Variants in SHOC1 observed in about 807,000 individuals in gnomAD.
The protein encoded by SHOC1 is shortage in chiasmata 1.
SHOC1 carries 136 observed loss-of-function variants against 179.2 expected under a neutral mutation model. The ratio of observed to expected loss-of-function variants is 0.76; its 90% CI spans 0.66 to 0.87. The LOEUF (loss-of-function observed/expected upper bound fraction) is 0.87. Ranked by LOEUF, SHOC1 falls within the 40% of genes least tolerant of loss-of-function variation. SHOC1 has a pLI of 0.00. For synonymous variants in SHOC1, 489 were observed against 586.6 expected, an observed-to-expected ratio of 0.83 and a Z score of 2.41; for missense variants, 1,538 against 1,700.8, an observed-to-expected ratio of 0.90 and a Z score of 1.68.
chr9:111,687,050 G>C (rs1481099946), intron 27 of SHOC1, among the ~76,000 whole-genome samples, 180 bp from the exon 28 acceptor site: 1 of 151,244 alleles, frequency 6.6e-6, no homozygotes, highest in African/African-American at 2.4e-5. Context: ...GGGTTCAAGC[G>C]ATTCTCCTGC....
At chr9:111,754,427 T>A (rs1834760090) in intron 8 of SHOC1, among the ~76,000 whole-genome samples, 1 of 152,124 alleles carries the variant, frequency 6.6e-6, no homozygotes, top group Non-Finnish European at 1.5e-5. Context: ...ACTTCACACC[T>A]AGTAGGATGG....
intron 4 of SHOC1, among the ~76,000 whole-genome samples, chr9:111,778,157 T>C (rs144989805): frequency 1.6e-4 from 25 of 152,336 alleles, no homozygotes; most frequent in Admixed American, 3.3e-4. Flanking sequence ...TCCACCTCCC[T>C]GTCCAATATA....
At chr9:111,782,326 CT>C (rs1268190332) in intron 3 of SHOC1, among the ~76,000 whole-genome samples, 7 of 152,194 alleles carry the variant, frequency 4.6e-5, no homozygotes, top group Non-Finnish European at 8.8e-5. Flanking sequence ...GGGTAAACAT[CT>C]CAACCTTTTT....
At chr9:111,715,166 A>G (rs2131386699) in intron 16 of SHOC1, among the ~76,000 whole-genome samples, 1 of 152,314 alleles carries the variant, frequency 6.6e-6, no homozygotes, top group East Asian at 1.9e-4. Flanking sequence ...TTGAAGGTTC[A>G]TATTCAGTAC....
chr9:111,789,062 A>C (rs1197318081), intron 2 of SHOC1, among the ~76,000 whole-genome samples: 1 of 152,210 alleles, frequency 6.6e-6, no homozygotes, highest in Non-Finnish European at 1.5e-5. Context: ...TCTTCTATGA[A>C]GCCCTTCCCC....
At chr9:111,760,341 A>G (rs2131576224) in intron 5 of SHOC1, among the ~76,000 whole-genome samples, 1 of 152,316 alleles carries the variant, frequency 6.6e-6, no homozygotes, top group East Asian at 1.9e-4. Flanking sequence ...TTTGAGTTAT[A>G]CAGCATGCCC....
intron 8 of SHOC1, among the ~76,000 whole-genome samples, chr9:111,751,818 C>T (rs752168234): frequency 2.6e-5 from 4 of 152,090 alleles, no homozygotes; most frequent in Non-Finnish European, 4.4e-5. Context: ...CTATAAAATA[C>T]ATAAAGTGAG....
intron 16 of SHOC1, among the ~76,000 whole-genome samples, chr9:111,715,289 G>T (rs1218210389): frequency 6.6e-6 from 1 of 152,160 alleles, no homozygotes; most frequent in Non-Finnish European, 1.5e-5. Flanking sequence ...TGTAGATCAG[G>T]TGTTTAATGA....
chr9:111,761,679 C>A (rs896742607), intron 5 of SHOC1, among the ~76,000 whole-genome samples: 11 of 151,982 alleles, frequency 7.2e-5, no homozygotes, highest in African/African-American at 2.4e-4. Flanking sequence ...AATACCTTTA[C>A]ATATAAAGAT....
At chr9:111,704,299 T>C (rs571377251) in intron 21 of SHOC1, among the ~76,000 whole-genome samples, 2 of 152,360 alleles carry the variant, frequency 1.3e-5, no homozygotes, top group South Asian at 4.1e-4. Context: ...CAAAACATTA[T>C]GGGACTAAAA....
chr9:111,710,928 A>C (rs573023674), intron 18 of SHOC1, among the ~76,000 whole-genome samples: 9 of 152,276 alleles, frequency 5.9e-5, no homozygotes, highest in African/African-American at 2.2e-4. Flanking sequence ...TGCAGCTTAT[A>C]GAGGGAAGAG....
chr9:111,758,788 A>G lies in SHOC1; in HGVS notation c.503T>C (p.Leu168Ser). The change falls in exon 6 of 28, where the codon TTG becomes TCG. Residue 168 changes from leucine to serine, a missense_variant. By Grantham distance (145) the Leu-to-Ser change is moderately radical. Coordinates refer to ENST00000682961, the MANE Select transcript of SHOC1 (RefSeq NM_001378211.1). ...TTTTAGTCTACTCAAGAGAGTAGGC[A>G]AAGTTGGTAGGTGTTTTCTACTACT... ...FVSSRKHLPTLPTLLSRLKLF... is the reference protein window; with the variant it reads ...FVSSRKHLPTSPTLLSRLKLF... 2 of 1,593,788 alleles carry G rather than the reference A, an allele frequency of 1.3e-6. No homozygotes were observed. The highest frequency in any genetic ancestry group is 2.7e-5 in the African/African-American group (2 of 74,324).
chr9:111,761,962 C>T (rs1384441818), intron 5 of SHOC1, among the ~76,000 whole-genome samples: 1 of 152,004 alleles, frequency 6.6e-6, no homozygotes, highest in Non-Finnish European at 1.5e-5. Context: ...TACTAGTGGA[C>T]ATATAGCTAA....
Position 111,756,329 on chromosome 9 carries a change from T to A in SHOC1, c.858A>T (p.Glu286Asp), listed in dbSNP as rs778946560. The A allele has an allele frequency of 1.6e-5, 26 of 1,590,924 alleles. No homozygotes were observed. The South Asian group carries it at 3.0e-4, about 19-fold the overall frequency. Residue 286 changes from glutamate (E) to aspartate (D), a missense_variant, in exon 8 of 28, where the codon GAA (glutamate) becomes GAT (aspartate). Physicochemically the swap from Glu to Asp is conservative, Grantham distance 45. Transcript: ENST00000682961. ...CATTTTACAATTAATTCTCACCTCT[T>A]TCAAAAAGCTTTTCCTTTTCATCTA... ...NYVDEKEKLF[E>D]RDLTNKHGIE...
Position 111,694,217 on chromosome 9 carries a change from T to C in SHOC1, c.3315+14A>G. The C allele has an allele frequency of 6.3e-7, 1 of 1,590,100 alleles. No individual in the cohort carries two copies. The highest frequency in any genetic ancestry group is 8.6e-7 in the Non-Finnish European group (1 of 1,167,758). On this transcript the variant is annotated intron_variant, in intron 25 of 27. Transcript: ENST00000682961. ...GCTTTGCAATTATCTATTTTACACATTTAGAAAATATACCTCAGATGGTGA... is the reference window on the plus strand; with the variant it reads ...GCTTTGCAATTATCTATTTTACACACTTAGAAAATATACCTCAGATGGTGA...
chr9:111,752,422 G>T (rs1044965760), intron 8 of SHOC1, among the ~76,000 whole-genome samples: 3 of 152,210 alleles, frequency 2.0e-5, no homozygotes, highest in Admixed American at 2.0e-4. Context: ...TATAGTTTGA[G>T]TTCAGCCAAG....
chr9:111,751,981 A>G (rs1415558894), intron 8 of SHOC1, among the ~76,000 whole-genome samples: 1 of 152,232 alleles, frequency 6.6e-6, no homozygotes, highest in African/African-American at 2.4e-5. Flanking sequence ...GATAGCATTT[A>G]TAACTCTCAA....
intron 5 of SHOC1, chr9:111,759,409 A>T: frequency 1.4e-6 from 2 of 1,454,544 alleles, no homozygotes; most frequent in African/African-American, 2.8e-5. Flanking sequence ...AATCTACTTG[A>T]GGAGTATGAT....
At chr9:111,791,095 C>T (rs1564173938) in intron 2 of SHOC1, among the ~76,000 whole-genome samples, 1 of 152,044 alleles carries the variant, frequency 6.6e-6, no homozygotes, top group Non-Finnish European at 1.5e-5. Context: ...GTTTCATGCA[C>T]AGAGTTATTT....
Sources: allele counts gnomAD v4.1 joint callset (sites outside exome capture counted in the v4.1 genomes callset), GRCh38; gene constraint gnomAD v4.1.1; transcripts MANE v1.5; gene names NCBI Gene and HGNC (gene_info 2026-07-23, HGNC 2026-07-21).